The following AUH variants were observed in gnomAD, a reference collection of about 807,000 sequenced individuals.
AUH encodes AU RNA binding methylglutaconyl-CoA hydratase, also known as methylglutaconyl-CoA hydratase, mitochondrial.
AUH carries 29 observed loss-of-function variants against 42.3 expected under a neutral mutation model. That is an observed-to-expected ratio of 0.69 (90% CI 0.51 to 0.93). The LOEUF (loss-of-function observed/expected upper bound fraction) is 0.93. AUH is among the 40% of genes least tolerant of loss of function. The pLI, the probability that AUH is intolerant of heterozygous loss-of-function variation, is 0.00. For missense variants in AUH, 452 were observed against 438.1 expected, an observed-to-expected ratio of 1.03 and a Z score of -0.28; for synonymous variants, 174 against 166.4, an observed-to-expected ratio of 1.05 and a Z score of -0.35.
chr9:91,279,261 CACA>C (rs1041179452), intron 6 of AUH, among the ~76,000 whole-genome samples: 2 of 152,096 alleles, frequency 1.3e-5, no homozygotes, highest in African/African-American at 4.8e-5. Flanking sequence ...AGTCAATTCT[CACA>C]ACAACCTATG....
In AUH at chr9:91,356,792, G is replaced by C. The variant is rs145713107; in HGVS notation, c.263-637C>G. 8.5e-5 allele frequency among the ~76,000 whole-genome samples: 13 copies of C among 152,264 alleles called. No homozygotes were observed. The East Asian group carries it at 2.5e-3, about 29-fold the overall frequency. ...CTAAAAACAGTACTATGCATAGAAT[G>C]CATCCCCTACTTAAAATCCTTTCAT... On this transcript the variant is annotated intron_variant, in intron 1 of 9. Coordinates refer to ENST00000375731, the MANE Select transcript of AUH (RefSeq NM_001698.3).
chr9:91,247,100 A>G (rs571725686), intron 6 of AUH, among the ~76,000 whole-genome samples: 28 of 152,276 alleles, frequency 1.8e-4, no homozygotes, highest in South Asian at 8.3e-4. Flanking sequence ...CACTGCTGCA[A>G]CAGCTCAGCC....
intron 6 of AUH, among the ~76,000 whole-genome samples, chr9:91,234,291 G>A (rs1828054629): frequency 6.6e-6 from 1 of 152,152 alleles, no homozygotes; most frequent in South Asian, 2.1e-4. Context: ...GCTGCTTCCA[G>A]GACTGACAGT....
intron 6 of AUH, among the ~76,000 whole-genome samples, chr9:91,287,021 G>A (rs138590258): frequency 1.9e-3 from 283 of 152,138 alleles, no homozygotes; most frequent in Non-Finnish European, 3.6e-3. Flanking sequence ...CAATGTGTGT[G>A]TGTAGATATA....
At chr9:91,231,021 C>G (rs1827843331) in intron 6 of AUH, among the ~76,000 whole-genome samples, 1 of 152,198 alleles carries the variant, frequency 6.6e-6, no homozygotes, top group Admixed American at 6.5e-5. Context: ...GTGCCCTGCC[C>G]CCAGAGGTGG....
chr9:91,279,752 G>A (rs564094212), intron 6 of AUH, among the ~76,000 whole-genome samples: 1 of 152,270 alleles, frequency 6.6e-6, no homozygotes, highest in East Asian at 1.9e-4. Flanking sequence ...CAATTAACAT[G>A]ACATTTGGTG....
chr9:91,260,855 T>C (rs1287992392), intron 6 of AUH, among the ~76,000 whole-genome samples: 3 of 152,314 alleles, frequency 2.0e-5, no homozygotes, highest in East Asian at 3.9e-4. Context: ...ACGGTGTCTA[T>C]TTCTGTGTCT....
intron 3 of AUH, among the ~76,000 whole-genome samples, chr9:91,348,667 T>C (rs1392352864): frequency 2.6e-5 from 4 of 152,168 alleles, no homozygotes; most frequent in South Asian, 4.1e-4. Flanking sequence ...CTACCCATAG[T>C]ATGAGTCAAT....
chr9:91,263,371 A>C (rs1829801925), intron 6 of AUH, among the ~76,000 whole-genome samples: 1 of 152,244 alleles, frequency 6.6e-6, no homozygotes, highest in Non-Finnish European at 1.5e-5. Context: ...AAAAAGTGTT[A>C]GGTTTAATAA....
At chr9:91,313,590 A>G (rs1444760786) in intron 4 of AUH, among the ~76,000 whole-genome samples, 1 of 151,508 alleles carries the variant, frequency 6.6e-6, no homozygotes, top group Non-Finnish European at 1.5e-5. Context: ...CTGTAGTCCC[A>G]GCTACTTGGG....
At chr9:91,327,159 GGAC>G (rs776771811) in intron 3 of AUH, among the ~76,000 whole-genome samples, 118 of 152,198 alleles carry the variant, frequency 7.8e-4, no homozygotes, top group Non-Finnish European at 1.6e-3. Flanking sequence ...TATCCATCCA[GGAC>G]TTGAACCTAT....
intron 4 of AUH, among the ~76,000 whole-genome samples, chr9:91,317,597 T>C (rs368317034): frequency 6.6e-6 from 1 of 152,314 alleles, no homozygotes; most frequent in Non-Finnish European, 1.5e-5. Context: ...CCATACCACA[T>C]GAGAAGGACT....
chr9:91,306,472 C>A, intron 4 of AUH: 1 of 767,306 alleles, frequency 1.3e-6, no homozygotes, highest in Non-Finnish European at 1.6e-6. Flanking sequence ...TTTACTTTCA[C>A]TTGGCAGGAA....
chr9:91,278,691 G>A (rs558620051), intron 6 of AUH, among the ~76,000 whole-genome samples: 22 of 152,264 alleles, frequency 1.4e-4, no homozygotes, highest in African/African-American at 4.3e-4. Flanking sequence ...TTAATTTAAT[G>A]AATCATAGCC....
chr9:91,261,006 T>G (rs1266148893), intron 6 of AUH, among the ~76,000 whole-genome samples: 1 of 152,166 alleles, frequency 6.6e-6, no homozygotes, highest in Non-Finnish European at 1.5e-5. Context: ...AATAGTTGTT[T>G]TATATCTTCC....
chr9:91,253,478 A>G (rs1348294908), intron 6 of AUH, among the ~76,000 whole-genome samples: 1 of 152,272 alleles, frequency 6.6e-6, no homozygotes, highest in Non-Finnish European at 1.5e-5. Context: ...ACCCAAGAAG[A>G]GGTAAACCTA....
intron 6 of AUH, among the ~76,000 whole-genome samples, chr9:91,268,932 T>C (rs887805956): frequency 3.3e-5 from 5 of 152,190 alleles, no homozygotes; most frequent in Admixed American, 2.6e-4. Context: ...GCATGACTAC[T>C]ATTATATCAA....
At chr9:91,275,835 G>A (rs1825496529) in intron 6 of AUH, among the ~76,000 whole-genome samples, 1 of 152,170 alleles carries the variant, frequency 6.6e-6, no homozygotes, top group African/African-American at 2.4e-5. Context: ...AAGTGGTCTT[G>A]CTGACAATGC....
At chr9:91,280,544 C>T (rs755434962) in intron 6 of AUH, among the ~76,000 whole-genome samples, 2 of 152,004 alleles carry the variant, frequency 1.3e-5, no homozygotes, top group Non-Finnish European at 2.9e-5. Context: ...AATTAGATTC[C>T]ATTACTTACA....
Sources: gnomAD v4.1 joint callset for allele counts (sites outside exome capture counted in the v4.1 genomes callset) on GRCh38, gnomAD v4.1.1 for gene constraint, MANE v1.5 for transcripts, NCBI Gene and HGNC (gene_info 2026-07-23, HGNC 2026-07-21) for gene names.